Variants in JAG2 observed in about 807,000 individuals in gnomAD.
The protein encoded by JAG2 is protein jagged-2.
JAG2 carries 46 observed loss-of-function variants against 141.7 expected under a neutral mutation model. The observed-to-expected ratio is 0.32, with a 90% CI of 0.26 to 0.42. JAG2 has a LOEUF of 0.42. JAG2 is among the 10% of genes least tolerant of loss of function. The pLI is 1.00. For missense variants in JAG2, 1,500 were observed against 1,817.5 expected (o/e 0.83, Z 3.18); for synonymous variants, 862 against 763.5 (o/e 1.13, Z -2.13).
In JAG2 at chr14:105,149,259, T is replaced by C. The variant is rs1300547753; in HGVS notation, c.1664A>G (p.Glu555Gly). ...CRNGARCYNL[E>G]GDYYCACPDD... is the part of the protein sequence containing the mutation. ...AGGGCAGGCGCAGTAATAGTCACCC[T>C]CCAGGTTATAGCAGCGAGCGCCGTT... Residue 555 changes from glutamate (E) to glycine (G), a missense_variant, in exon 13 of 26, where the codon GAG (glutamate) becomes GGG (glycine). Coordinates refer to ENST00000331782, the MANE Select transcript of JAG2 (RefSeq NM_002226.5). The C allele has an allele frequency of 6.2e-7, 1 of 1,612,394 alleles. No individual in the cohort carries two copies. Among genetic ancestry groups the C allele is most frequent in the Non-Finnish European group, 8.5e-7 (1 of 1,179,948 alleles).
Position 105,146,596 on chromosome 14 carries a change from T to A in JAG2, c.2593+15A>T. ...CCCAACCCGCCCCAACCCAGGGCAA[T>A]CACACGGGGCCTACCTTCCTGGCAC... is the stretch of plus-strand genomic sequence containing the variant. On this transcript the variant is annotated intron_variant, in intron 21 of 25. Transcript: ENST00000331782. The A allele has an allele frequency of 6.2e-7, 1 of 1,605,970 alleles. No individual in the cohort carries two copies. The highest frequency in any genetic ancestry group is 1.3e-5 in the African/African-American group (1 of 74,926).
chr14:105,145,494 C>T (rs368010464), intron 23 of JAG2, among the ~76,000 whole-genome samples: 25 of 152,336 alleles, frequency 1.6e-4, no homozygotes, highest in African/African-American at 5.5e-4. Context: ...GCCCTCAGGG[C>T]AGCTGGACAA....
At chr14:105,155,711 C>G in intron 4 of JAG2, 27 bp downstream of exon 4, 1 of 1,612,588 alleles carries the variant, frequency 6.2e-7, no homozygotes, top group Non-Finnish European at 8.5e-7. Flanking sequence ...CCTCCCTGCC[C>G]TCCACGCAGC....
intron 17 of JAG2, 78 bp from the exon 18 acceptor site, chr14:105,147,966 C>T: frequency 8.2e-7 from 1 of 1,226,794 alleles, no homozygotes; most frequent in Non-Finnish European, 1.2e-6. Context: ...GCCCCCAACC[C>T]AGACAGGGCA....
intron 12 of JAG2, among the ~76,000 whole-genome samples, chr14:105,150,049 G>A (rs1181317246): frequency 2.4e-5 from 2 of 82,178 alleles, no homozygotes; most frequent in Non-Finnish European, 4.9e-5. Flanking sequence ...GGGGAGGTGG[G>A]GAAGGGGGAG....
At chr14:105,146,950 G>C in intron 20 of JAG2, 1 of 639,670 alleles carries the variant, frequency 1.6e-6, no homozygotes, top group Non-Finnish European at 2.8e-6. Context: ...CAGTGGGCCT[G>C]TCCCATCCTG....
rs1888105399 is a variant in JAG2, at chr14:105,142,952, A to G, written c.3460T>C (p.Phe1154Leu). Reference sequence around the variant, plus strand: ...TCCGCCCTGCGCGGCGGCGGCGTGAAGTTCTTGCACTGGTAGAGCACGTCC... The same window carrying G: ...TCCGCCCTGCGCGGCGGCGGCGTGAGGTTCTTGCACTGGTAGAGCACGTCC... ...HKDVLYQCKN[F>L]TPPPRRADEA... Residue 1154 changes from phenylalanine to leucine, a missense_variant, in exon 26 of 26, where the codon TTC (phenylalanine) becomes CTC (leucine). Physicochemically the swap from Phe to Leu is conservative, Grantham distance 22. Coordinates refer to ENST00000331782, the MANE Select transcript of JAG2 (RefSeq NM_002226.5). 6.2e-7 allele frequency: 1 copy of G among 1,609,352 alleles called. No homozygotes were observed. Among genetic ancestry groups the G allele is most frequent in the South Asian group, 1.1e-5 (1 of 90,954 alleles).
At position 105,143,105 on chromosome 14, in the gene JAG2, C is replaced by A. The variant is rs774914201; in HGVS notation, c.3307G>T (p.Val1103Leu). 4.4e-6 allele frequency: 7 copies of A among 1,599,294 alleles called. No homozygotes were observed. Among genetic ancestry groups the A allele is most frequent in the Non-Finnish European group, 5.9e-6 (7 of 1,179,638 alleles). Residue 1103 changes from valine (V) to leucine (L), a missense_variant, in exon 26 of 26, where the codon GTG (valine) becomes TTG (leucine). Transcript: ENST00000331782. ...TTCCTGCGCTTGCGTGTCCACCACA[C>A]GCACAGGACCACGCACGCCAGCCAC... ...VLWLACVVLC[V>L]WWTRKRRKER... is the part of the protein sequence containing the mutation.
intron 3 of JAG2, 151 bp from the exon 4 acceptor site, chr14:105,156,140 G>T: frequency 9.5e-7 from 1 of 1,050,768 alleles, no homozygotes; most frequent in Non-Finnish European, 1.3e-6. Flanking sequence ...CCCCGGCCAG[G>T]CTGCTACAGA....
Position 105,144,970 on chromosome 14 carries a change from T to C in JAG2, c.3044A>G (p.Asp1015Gly). ...ARDRLLVLLC[D>G]RASSGASAVE... is the part of the protein sequence containing the mutation. ...AGCACTGGCCCCCGAGGACGCCCGG[T>C]CGCAAAGCAACACCAGCAGGCGGTC... Residue 1015 changes from aspartate (D) to glycine (G), a missense_variant, in exon 24 of 26, where the codon GAC becomes GGC. This residue lies in a region of JAG2 where 425 missense variants were observed against 441.0 expected (regional missense o/e 0.96). Coordinates refer to ENST00000331782, the MANE Select transcript of JAG2 (RefSeq NM_002226.5). The C allele has an allele frequency of 6.2e-7, 1 of 1,606,582 alleles. No homozygotes were observed. Among genetic ancestry groups the C allele is most frequent in the Non-Finnish European group, 8.5e-7 (1 of 1,179,008 alleles).
At chr14:105,149,841 G>A (rs1376496565) in intron 12 of JAG2, among the ~76,000 whole-genome samples, 1 of 100,678 alleles carries the variant, frequency 9.9e-6, no homozygotes, top group Admixed American at 1.0e-4. Flanking sequence ...GGGAAGTAAG[G>A]GGAGGGGGTG....
At chr14:105,151,855 C>T (rs1595179632) in intron 7 of JAG2, 83 bp downstream of exon 7, 48 of 1,608,364 alleles carry the variant, frequency 3.0e-5, no homozygotes, top group South Asian at 2.9e-4. Context: ...CCACACAGGA[C>T]GCCAGAGGGA....
intron 18 of JAG2, 100 bp downstream of exon 18, chr14:105,147,672 G>A (rs974611023): frequency 2.8e-6 from 3 of 1,085,002 alleles, no homozygotes; most frequent in Admixed American, 4.0e-5. Context: ...AGGGGCAGCA[G>A]GGGGAGGGGC....
chr14:105,149,651 A>G (rs1477684364), intron 12 of JAG2, among the ~76,000 whole-genome samples: 2 of 150,738 alleles, frequency 1.3e-5, no homozygotes, highest in African/African-American at 4.9e-5. Flanking sequence ...CTCAGAGCCA[A>G]GACTGTGGGT....
intron 2 of JAG2, among the ~76,000 whole-genome samples, chr14:105,161,364 C>T (rs1016931412): frequency 4.6e-5 from 7 of 152,104 alleles, no homozygotes; most frequent in Admixed American, 6.5e-5. Context: ...GCTCTGGCCA[C>T]GGGGCAGGCA....
intron 25 of JAG2, 34 bp downstream of exon 25, chr14:105,143,448 G>T: frequency 6.5e-7 from 1 of 1,539,472 alleles, no homozygotes; most frequent in Non-Finnish European, 8.7e-7. Flanking sequence ...TTGCCTGCCT[G>T]GTGCCTTCCC....
intron 8 of JAG2, 81 bp downstream of exon 8, chr14:105,151,545 C>T: frequency 7.4e-7 from 1 of 1,357,758 alleles, no homozygotes; most frequent in East Asian, 2.5e-5. Context: ...GACCACTGCA[C>T]CCCATCCCCA....
chr14:105,156,041 G>C, intron 3 of JAG2, 52 bp from the exon 4 acceptor site: 1 of 1,589,638 alleles, frequency 6.3e-7, no homozygotes, highest in Non-Finnish European at 8.5e-7. Flanking sequence ...CCCGGCCAGG[G>C]GTCCTCCAGG....
At chr14:105,155,435 G>T in intron 5 of JAG2, 127 bp downstream of exon 5, 1 of 1,044,480 alleles carries the variant, frequency 9.6e-7, no homozygotes, top group Non-Finnish European at 1.5e-6. Context: ...CTCAGGGCCC[G>T]GCTCTCACAG....
Sources: gnomAD v4.1 joint callset for allele counts (sites outside exome capture counted in the v4.1 genomes callset) on GRCh38, gnomAD v4.1.1 for gene constraint, gnomAD v4.1.1 regional missense constraint, MANE v1.5 for transcripts, NCBI Gene and HGNC (gene_info 2026-07-23, HGNC 2026-07-21) for gene names.